JAZF1: variants seen among roughly 807,000 people sequenced by gnomAD.
JAZF1 encodes juxtaposed with another zinc finger protein 1.
JAZF1 carries 8 observed loss-of-function variants against 26.4 expected under a neutral mutation model. The observed-to-expected ratio is 0.30, with a 90% confidence interval of 0.18 to 0.55. The LOEUF is 0.55. Ranked by LOEUF, JAZF1 falls within the 20% of genes least tolerant of loss-of-function variation. JAZF1 has a pLI of 0.94. For synonymous variants in JAZF1, 126 were observed against 122.3 expected (o/e 1.03, Z -0.20); for missense variants, 199 against 322.0 (o/e 0.62, Z 2.92).
intron 1 of JAZF1, among the ~76,000 whole-genome samples, chr7:28,083,868 C>CT (rs1173080889): frequency 1.3e-5 from 2 of 151,908 alleles, no homozygotes; most frequent in Non-Finnish European, 2.9e-5. Flanking sequence ...GGGCCCAGTG[C>CT]TATTACTCAA....
chr7:28,065,538 C>T (rs372796330), intron 1 of JAZF1, among the ~76,000 whole-genome samples: 3 of 152,300 alleles, frequency 2.0e-5, no homozygotes, highest in African/African-American at 7.2e-5. Flanking sequence ...ATAAATGTCA[C>T]GATCCTATCC....
intron 1 of JAZF1, among the ~76,000 whole-genome samples, chr7:28,151,552 G>A (rs2127948683): frequency 6.6e-6 from 1 of 151,810 alleles, no homozygotes; most frequent in East Asian, 1.9e-4. Flanking sequence ...TGTAATCCCA[G>A]CACTTTGGGA....
At chr7:28,084,539 C>T (rs1434216981) in intron 1 of JAZF1, among the ~76,000 whole-genome samples, 1 of 152,190 alleles carries the variant, frequency 6.6e-6, no homozygotes, top group East Asian at 1.9e-4. Flanking sequence ...TTTGCTCTCA[C>T]AAACTTGTAG....
At chr7:27,837,317 G>A (rs1374582123) in intron 4 of JAZF1, among the ~76,000 whole-genome samples, 1 of 152,250 alleles carries the variant, frequency 6.6e-6, no homozygotes, top group African/African-American at 2.4e-5. Flanking sequence ...AGGCGAGCAT[G>A]AGCAGGGCAA....
intron 2 of JAZF1, among the ~76,000 whole-genome samples, chr7:27,951,479 G>A (rs1481632334): frequency 1.3e-5 from 2 of 152,186 alleles, no homozygotes; most frequent in African/African-American, 2.4e-5. Flanking sequence ...CAAAGCATAA[G>A]CCTTATGGTT....
At chr7:28,178,186 T>G (rs776664623) in intron 1 of JAZF1, among the ~76,000 whole-genome samples, 19 of 152,120 alleles carry the variant, frequency 1.2e-4, no homozygotes, top group Non-Finnish European at 2.1e-4. Flanking sequence ...CAAAGCTGAG[T>G]TTTAGAAAAC....
chr7:28,180,119 C>G (rs987526386), intron 1 of JAZF1, among the ~76,000 whole-genome samples: 1 of 145,632 alleles, frequency 6.9e-6, no homozygotes, highest in Admixed American at 6.8e-5. Flanking sequence ...CCCCGCGCCC[C>G]GCGCGCCGGC....
At chr7:28,035,987 T>C (rs1783286254) in intron 1 of JAZF1, among the ~76,000 whole-genome samples, 1 of 152,240 alleles carries the variant, frequency 6.6e-6, no homozygotes, top group Admixed American at 6.5e-5. Context: ...ACCTTATCTT[T>C]TTTTCTAACA....
intron 1 of JAZF1, among the ~76,000 whole-genome samples, chr7:28,094,216 C>A (rs1294796779): frequency 3.9e-5 from 6 of 152,156 alleles, no homozygotes; most frequent in Non-Finnish European, 7.4e-5. Flanking sequence ...ATTTCTTTTT[C>A]GGATCAAGAG....
At chr7:27,950,220 G>A (rs1784986230) in intron 2 of JAZF1, among the ~76,000 whole-genome samples, 1 of 152,240 alleles carries the variant, frequency 6.6e-6, no homozygotes, top group South Asian at 2.1e-4. Flanking sequence ...AGATCAGCCA[G>A]ATACCAGAGC....
chr7:27,878,919 A>G (rs143189971), intron 3 of JAZF1, among the ~76,000 whole-genome samples: 2 of 152,298 alleles, frequency 1.3e-5, no homozygotes, highest in African/African-American at 2.4e-5. Context: ...TAAGACATAC[A>G]TTATTATTTT....
At chr7:27,990,993 A>G (rs1309250800) in intron 2 of JAZF1, among the ~76,000 whole-genome samples, 1 of 152,220 alleles carries the variant, frequency 6.6e-6, no homozygotes, top group Non-Finnish European at 1.5e-5. Context: ...CTGAAACTGA[A>G]CAACAGGTGT....
intron 1 of JAZF1, among the ~76,000 whole-genome samples, chr7:28,072,288 T>C (rs1783989893): frequency 6.6e-6 from 1 of 152,200 alleles, no homozygotes; most frequent in Non-Finnish European, 1.5e-5. Flanking sequence ...ACTTCTATAA[T>C]CAACTTCCCA....
intron 1 of JAZF1, among the ~76,000 whole-genome samples, chr7:28,013,465 G>A (rs1190874465): frequency 2.0e-5 from 3 of 152,132 alleles, no homozygotes; most frequent in Admixed American, 6.5e-5. Context: ...GATAGCGGGG[G>A]TTGGGGGGGT....
chr7:27,984,448 T>A (rs1332801422), intron 2 of JAZF1, among the ~76,000 whole-genome samples: 1 of 152,200 alleles, frequency 6.6e-6, no homozygotes, highest in African/African-American at 2.4e-5. Context: ...ACCAGATTCA[T>A]AAAGCAAGTC....
chr7:28,112,364 T>C (rs1386875694), intron 1 of JAZF1, among the ~76,000 whole-genome samples: 2 of 152,356 alleles, frequency 1.3e-5, no homozygotes, highest in East Asian at 3.9e-4. Context: ...ATTTCAGTGA[T>C]GAACTGTCTC....
intron 1 of JAZF1, among the ~76,000 whole-genome samples, chr7:28,156,232 A>C (rs1408160270): frequency 1.3e-5 from 2 of 152,206 alleles, no homozygotes; most frequent in African/African-American, 4.8e-5. Flanking sequence ...TTTCCTCAGA[A>C]TCTGAAAGTC....
chr7:27,868,489 C>A (rs116078781), intron 3 of JAZF1, among the ~76,000 whole-genome samples: 1,914 of 152,322 alleles, frequency 0.013, 49 homozygotes, highest in African/African-American at 0.044. Flanking sequence ...CTGAACAAGG[C>A]GTGGAGTTGC....
At chr7:28,103,728 CACCACCTTCACAACT>C (rs769696034) in intron 1 of JAZF1, among the ~76,000 whole-genome samples, 84 of 152,166 alleles carry the variant, frequency 5.5e-4, no homozygotes, top group African/African-American at 1.8e-3. Context: ...TACCACTTCC[CACCACCTTCACAACT>C]ACCACCTGGA....
Sources: allele counts gnomAD v4.1 joint callset (sites outside exome capture counted in the v4.1 genomes callset), GRCh38; gene constraint gnomAD v4.1.1; transcripts MANE v1.5; gene names NCBI Gene and HGNC (gene_info 2026-07-23, HGNC 2026-07-21).